Variants in RBFOX1 observed in about 807,000 individuals in gnomAD.
RBFOX1 encodes RNA binding protein fox-1 homolog 1.
In RBFOX1, 8 loss-of-function variants were observed where a neutral mutation model predicts 57.7. That is an observed-to-expected ratio of 0.14 (90% CI 0.08 to 0.25). RBFOX1 has a LOEUF of 0.25. RBFOX1 is among the 10% of genes least tolerant of loss of function. The pLI is 1.00. For missense variants in RBFOX1, 611 were observed against 548.5 expected (o/e 1.11, Z -1.14); for synonymous variants, 326 against 222.4 (o/e 1.47, Z -4.15).
chr16:7,065,922 C>T (rs746721729), intron 4 of RBFOX1, among the ~76,000 whole-genome samples: 1 of 152,154 alleles, frequency 6.6e-6, no homozygotes, highest in South Asian at 2.1e-4. Context: ...GTGTAAGGCC[C>T]TGATCCTTAT....
chr16:5,273,010 C>T (rs1197126234), intron 1 of RBFOX1, among the ~76,000 whole-genome samples: 2 of 152,168 alleles, frequency 1.3e-5, no homozygotes, highest in African/African-American at 4.8e-5. Context: ...CTCTTGGCTC[C>T]TGGATGCAGT....
rs1201204716 is a variant in RBFOX1, at chr16:7,021,301, T to TAA, written c.-15-30756_-15-30755insAA. 7.7e-4 allele frequency among the ~76,000 whole-genome samples: 114 copies of TAA among 148,372 alleles called. 1 individual carries two copies. Among genetic ancestry groups the TAA allele is most frequent in the African/African-American group, 2.7e-3 (107 of 39,884 alleles). On this transcript the variant is annotated intron_variant, in intron 3 of 15. Transcript: ENST00000550418. ...TTGGTTTCATTTTATTTTCTCTCTC[T>TAA]CTCTATATATATATATTTACTTTTT...
rs529035671 is a variant in RBFOX1, at chr16:5,548,020, G to A, written c.259-50882G>A. Among the ~76,000 whole-genome samples the A allele has an allele frequency of 2.0e-5, 3 of 151,560 alleles. No individual in the cohort carries two copies. In the East Asian group the frequency reaches 5.8e-4, roughly 29 times the overall value. On this transcript the variant is annotated intron_variant, in intron 2 of 2. Transcript: ENST00000585867. ...ACTAAAAATAAAAAAAATTAACCGG[G>A]CGTGGTGGCTTGTGCCTGTAATCCC...
Position 7,193,246 on chromosome 16 carries a change from A to G in RBFOX1, c.27+141148A>G, listed in dbSNP as rs143177900. The stretch of plus-strand genomic sequence containing the variant: ...AGCAGCTCTTCCTGAAAAGAACTCA[A>G]CACATTATTGCTGTCTGTAAGATGG... On this transcript the variant is annotated intron_variant, in intron 4 of 15. Transcript: ENST00000550418. 7.4e-4 allele frequency among the ~76,000 whole-genome samples: 112 copies of G among 152,316 alleles called. 1 individual carries two copies. The highest frequency in any genetic ancestry group is 2.6e-3 in the African/African-American group (107 of 41,578).
At chr16:5,342,648 G>A (rs2065056920) in intron 1 of RBFOX1, among the ~76,000 whole-genome samples, 1 of 152,106 alleles carries the variant, frequency 6.6e-6, no homozygotes, top group African/African-American at 2.4e-5. Flanking sequence ...TTCCTTCTGT[G>A]CTGGGGTAGG....
chr16:6,174,358 G>A (rs752171388), intron 1 of RBFOX1, among the ~76,000 whole-genome samples: 2 of 152,192 alleles, frequency 1.3e-5, no homozygotes, highest in African/African-American at 2.4e-5. Context: ...ACTTTGGGAG[G>A]CCAAGGAGGG....
At chr16:5,952,041 A>G (rs1426286995) in intron 4 of RBFOX1, among the ~76,000 whole-genome samples, 2 of 151,292 alleles carry the variant, frequency 1.3e-5, no homozygotes, top group Non-Finnish European at 2.9e-5. Context: ...ATATATAGAC[A>G]TACACATATA....
In RBFOX1 at chr16:6,529,992, A is replaced by G. The variant is rs189111123; in HGVS notation, c.-63-124611A>G. Reference sequence around the variant, plus strand: ...CTTTCTGGTCCCTTTTGGTTATTAGATATAGTCTCAATGGGTATTTATGTC... The same window carrying G: ...CTTTCTGGTCCCTTTTGGTTATTAGGTATAGTCTCAATGGGTATTTATGTC... On this transcript the variant is annotated intron_variant, in intron 2 of 15. Coordinates refer to ENST00000550418, the MANE Select transcript of RBFOX1 (RefSeq NM_018723.4). Among the ~76,000 whole-genome samples, 6 of 152,198 alleles carry G rather than the reference A, an allele frequency of 3.9e-5. No individual in the cohort carries two copies. The East Asian group carries it at 5.8e-4, about 15-fold the overall frequency.
chr16:6,491,783 A>G (rs557018570), intron 2 of RBFOX1, among the ~76,000 whole-genome samples: 1 of 152,178 alleles, frequency 6.6e-6, no homozygotes, highest in Admixed American at 6.5e-5. Flanking sequence ...CTGCTAATCA[A>G]ATTTGAAGCT....
intron 1 of RBFOX1, among the ~76,000 whole-genome samples, chr16:5,389,996 G>A (rs2066360720): frequency 6.6e-6 from 1 of 152,000 alleles, no homozygotes; most frequent in African/African-American, 2.4e-5. Flanking sequence ...ACCATGCCCG[G>A]CCTGCTTTTC....
At chr16:6,303,142 T>C (rs79725725) in intron 1 of RBFOX1, among the ~76,000 whole-genome samples, 4 of 152,306 alleles carry the variant, frequency 2.6e-5, no homozygotes, top group South Asian at 4.1e-4. Flanking sequence ...TGAATTTTCA[T>C]TGTAGTTGTG....
At chr16:7,676,155 A>G (rs2073206433) in intron 13 of RBFOX1, among the ~76,000 whole-genome samples, 1 of 152,232 alleles carries the variant, frequency 6.6e-6, no homozygotes, top group Admixed American at 6.5e-5. Context: ...AAGCAGCATG[A>G]TACATAACCA....
At chr16:6,134,644 C>G (rs1015331114) in intron 1 of RBFOX1, among the ~76,000 whole-genome samples, 1 of 151,762 alleles carries the variant, frequency 6.6e-6, no homozygotes, top group Non-Finnish European at 1.5e-5. Flanking sequence ...CTGTCAGTGC[C>G]CCCTGTGGCC....
At chr16:6,849,668 C>CA (rs1217501005) in intron 3 of RBFOX1, among the ~76,000 whole-genome samples, 4 of 151,802 alleles carry the variant, frequency 2.6e-5, no homozygotes, top group African/African-American at 4.8e-5. Context: ...GACTCCATCT[C>CA]AAAAAAACAA....
chr16:5,939,305 C>T lies in RBFOX1; in HGVS notation c.351+71970C>T, dbSNP rs558747473. Among the ~76,000 whole-genome samples the T allele has an allele frequency of 1.3e-4, 20 of 152,246 alleles. No individual in the cohort carries two copies. In the East Asian group the frequency reaches 2.9e-3, roughly 22 times the overall value. On this transcript the variant is annotated intron_variant, in intron 4 of 19. Transcript: ENST00000641259. Reference sequence around the variant, plus strand: ...TCATCACAAACTTAGATTAAAACAACGGATAGTTATTATATGACAGTTTCT... The same window carrying T: ...TCATCACAAACTTAGATTAAAACAATGGATAGTTATTATATGACAGTTTCT...
At chr16:5,524,955 TTTC>T (rs2044182121) in intron 2 of RBFOX1, among the ~76,000 whole-genome samples, 1 of 152,196 alleles carries the variant, frequency 6.6e-6, no homozygotes, top group Non-Finnish European at 1.5e-5. Context: ...ACTGGGTGCA[TTTC>T]TAATAAGCAC....
At chr16:7,035,982 C>T (rs930423519) in intron 3 of RBFOX1, among the ~76,000 whole-genome samples, 7 of 152,122 alleles carry the variant, frequency 4.6e-5, no homozygotes, top group Non-Finnish European at 8.8e-5. Flanking sequence ...GAATACTCCT[C>T]AAGTTTCTCA....
chr16:7,006,974 A>G (rs2093342010), intron 3 of RBFOX1, among the ~76,000 whole-genome samples: 2 of 152,156 alleles, frequency 1.3e-5, no homozygotes, highest in South Asian at 4.1e-4. Context: ...TGCCAGAAGT[A>G]CCACACATTT....
intron 3 of RBFOX1, among the ~76,000 whole-genome samples, chr16:6,690,464 T>G (rs2060041621): frequency 6.6e-6 from 1 of 152,072 alleles, no homozygotes; most frequent in Non-Finnish European, 1.5e-5. Flanking sequence ...CCTACTATAG[T>G]TTAACATTAA....
Sources: allele counts gnomAD v4.1 joint callset (sites outside exome capture counted in the v4.1 genomes callset), GRCh38; gene constraint gnomAD v4.1.1; transcripts MANE v1.5; gene names NCBI Gene and HGNC (gene_info 2026-07-23, HGNC 2026-07-21).